LEMD1: variants seen among roughly 807,000 people sequenced by gnomAD.
LEMD1 encodes LEM domain containing 1, also known as LEM domain-containing protein 1.
Under a neutral mutation model 17.4 loss-of-function variants are expected in LEMD1, and 18 were observed. The observed-to-expected ratio is 1.04, with a 90% CI of 0.72 to 1.54. The LOEUF (loss-of-function observed/expected upper bound fraction) is 1.54. Among genes scored for constraint, LEMD1 ranks in the 40% most tolerant of loss-of-function variants. The probability of loss-of-function intolerance (pLI) is 0.00; values close to 1 mark genes in which losing one functional copy is unlikely to be tolerated. For missense variants in LEMD1, 195 were observed against 210.4 expected (o/e 0.93, Z 0.45); for synonymous variants, 88 against 77.8 (o/e 1.13, Z -0.69).
chr1:205,420,095 A>G lies in LEMD1; in HGVS notation c.82+360T>C, dbSNP rs184738492. 9.2e-5 allele frequency among the ~76,000 whole-genome samples: 14 copies of G among 152,322 alleles called. 1 individual carries two copies. Among genetic ancestry groups the G allele is most frequent in the Admixed American group, 2.0e-4 (3 of 15,306 alleles). On this transcript the variant is annotated intron_variant, in intron 2 of 5. Coordinates refer to ENST00000367153, the MANE Select transcript of LEMD1 (RefSeq NM_001199050.2). ...CACTTTGGGAGGCCAAGGCAGGTGG[A>G]GTACCTGAGGTCAGAAGTTCGAGAC...
rs1221627616 is a variant in LEMD1 at position 205,418,302 on chromosome 1, G to A, written c.205+928C>T. ...TGGAAATGCCTTGGAATGTATTGTG[G>A]GAATCCCCAAGCCCTTCCCCTAAGA... On this transcript the variant is annotated intron_variant, in intron 3 of 5. Coordinates refer to ENST00000367153, the MANE Select transcript of LEMD1 (RefSeq NM_001199050.2). Among the ~76,000 whole-genome samples, 5 of 152,224 alleles carry A rather than the reference G, an allele frequency of 3.3e-5. No individual in the cohort carries two copies. The South Asian group carries it at 8.3e-4, about 25-fold the overall frequency.
At chr1:205,393,715 G>T (rs1373795203) in intron 4 of LEMD1, among the ~76,000 whole-genome samples, 1 of 151,970 alleles carries the variant, frequency 6.6e-6, no homozygotes, top group Non-Finnish European at 1.5e-5. Context: ...TAGCAAGGAT[G>T]TGTAGAAACT....
chr1:205,392,902 G>A (rs556509356), intron 4 of LEMD1, among the ~76,000 whole-genome samples: 1 of 152,270 alleles, frequency 6.6e-6, no homozygotes, highest in Non-Finnish European at 1.5e-5. Flanking sequence ...TCCATGCCAA[G>A]ACACATCATA....
At chr1:205,401,529 C>A (rs369413308) in intron 4 of LEMD1, among the ~76,000 whole-genome samples, 45,472 of 150,828 alleles carry the variant, frequency 0.3, 6,846 homozygotes, top group African/African-American at 0.37. Context: ...CCTTTGCCCA[C>A]TTTTTGATGG....
rs966384308 is a variant in LEMD1, at chr1:205,381,426, T to C, written c.*232A>G. The C allele has an allele frequency of 1.1e-5, 6 of 559,448 alleles. No individual in the cohort carries two copies. The highest frequency in any genetic ancestry group is 3.1e-5 in the Admixed American group (1 of 32,554). 34.7% of individuals were successfully genotyped at this position (559,448 alleles called of 1,614,324 possible). ...AATATGGAAGCACCTTTAATGAGAG[T>C]TGACATGACTTGGGGGATTTCCTAA... is the stretch of plus-strand genomic sequence containing the variant. On this transcript the variant is annotated 3_prime_UTR_variant, in exon 6 of 6. Coordinates refer to ENST00000367153, the MANE Select transcript of LEMD1 (RefSeq NM_001199050.2).
intron 1 of LEMD1, among the ~76,000 whole-genome samples, chr1:205,431,073 G>C (rs1302108480): frequency 1.3e-5 from 2 of 152,156 alleles, no homozygotes; most frequent in African/African-American, 2.4e-5. Flanking sequence ...GTGGGGCGGA[G>C]GACCCCCAGC....
At chr1:205,423,646 ATAGTTATGATTC>A (rs1313753847), upstream of LEMD1, among the ~76,000 whole-genome samples, 5 of 152,200 alleles carry the variant, frequency 3.3e-5, no homozygotes, top group Non-Finnish European at 7.3e-5. Flanking sequence ...ATCCACCAGC[ATAGTTATGATTC>A]TATTGTCAGC....
chr1:205,417,061 G>A (rs553112927), intron 3 of LEMD1, among the ~76,000 whole-genome samples: 184 of 152,192 alleles, frequency 1.2e-3, no homozygotes, highest in Middle Eastern at 3.4e-3. Context: ...GGATACCCCC[G>A]TCCAGTTCAT....
chr1:205,405,349 A>G (rs9729409), intron 4 of LEMD1, among the ~76,000 whole-genome samples: 41,041 of 142,210 alleles, frequency 0.29, 6,278 homozygotes, highest in African/African-American at 0.36. Context: ...CCAATCAGAC[A>G]CAGATTTGGT....
At chr1:205,405,450 A>T (rs1255864788) in intron 4 of LEMD1, among the ~76,000 whole-genome samples, 1 of 148,126 alleles carries the variant, frequency 6.8e-6, no homozygotes, top group African/African-American at 2.5e-5. Flanking sequence ...CATTTCATTC[A>T]TTCATCTTCC....
intron 4 of LEMD1, among the ~76,000 whole-genome samples, chr1:205,406,633 G>C (rs914943553): frequency 6.6e-6 from 1 of 152,178 alleles, no homozygotes; most frequent in African/African-American, 2.4e-5. Context: ...ACCAGGAAAG[G>C]GAACTCCCTG....
intron 4 of LEMD1, among the ~76,000 whole-genome samples, chr1:205,400,842 C>CA (rs1664807087): frequency 3.7e-5 from 1 of 26,990 alleles, no homozygotes; most frequent in Non-Finnish European, 7.7e-5. Flanking sequence ...AATGCTATCC[C>CA]TCCCCCCCCC....
intron 1 of LEMD1, among the ~76,000 whole-genome samples, chr1:205,440,438 C>T (rs1666272978): frequency 6.6e-6 from 1 of 152,192 alleles, no homozygotes; most frequent in South Asian, 2.1e-4. Flanking sequence ...CCTGGAATCC[C>T]AGGAGAGTCT....
chr1:205,401,870 A>G (rs1422844781), intron 4 of LEMD1, among the ~76,000 whole-genome samples: 2 of 152,104 alleles, frequency 1.3e-5, no homozygotes, highest in Non-Finnish European at 2.9e-5. Context: ...ATCTTGAATT[A>G]ATTTTTGTAT....
In LEMD1 at chr1:205,391,022, G is replaced by A. The variant is rs181381667; in HGVS notation, c.271-6658C>T. ...TCTCAGCACCGCACAATATACCTGT[G>A]TAATACCTGTGTAACAAACCTGCGC... On this transcript the variant is annotated intron_variant, in intron 4 of 5. Transcript: ENST00000367153. 3.4e-5 allele frequency among the ~76,000 whole-genome samples: 5 copies of A among 147,996 alleles called. No homozygotes were observed. The East Asian group carries it at 9.7e-4, about 29-fold the overall frequency.
intron 4 of LEMD1, among the ~76,000 whole-genome samples, chr1:205,414,021 G>T (rs1336066142): frequency 6.6e-6 from 1 of 152,080 alleles, no homozygotes; most frequent in Non-Finnish European, 1.5e-5. Flanking sequence ...AAGAATTTCA[G>T]GCATAAAGAA....
intron 4 of LEMD1, among the ~76,000 whole-genome samples, chr1:205,390,932 AG>A (rs1172909800): frequency 1.3e-5 from 2 of 152,206 alleles, no homozygotes; most frequent in Non-Finnish European, 2.9e-5. Context: ...GCAGCGAGGA[AG>A]GCAAGGGCTG....
intron 4 of LEMD1, among the ~76,000 whole-genome samples, chr1:205,403,315 T>C (rs1664940736): frequency 6.6e-6 from 1 of 152,042 alleles, no homozygotes; most frequent in South Asian, 2.1e-4. Context: ...AATTTGGCTG[T>C]GAATCCATCT....
chr1:205,388,893 C>A (rs902161843), intron 4 of LEMD1, among the ~76,000 whole-genome samples: 2 of 151,898 alleles, frequency 1.3e-5, no homozygotes, highest in Non-Finnish European at 1.5e-5. Flanking sequence ...CACAGTCAGT[C>A]TGAAATAATA....
Sources: allele counts gnomAD v4.1 joint callset (sites outside exome capture counted in the v4.1 genomes callset), GRCh38; gene constraint gnomAD v4.1.1; transcripts MANE v1.5; gene names NCBI Gene and HGNC (gene_info 2026-07-23, HGNC 2026-07-21).